Variants in GIGYF1 observed in about 807,000 individuals in gnomAD.
GIGYF1 encodes the protein GRB10 interacting GYF protein 1, also known as GRB10-interacting GYF protein 1.
A neutral mutation model predicts 147.1 loss-of-function variants in GIGYF1; 84 were observed. The ratio of observed to expected loss-of-function variants is 0.57; its 90% confidence interval spans 0.48 to 0.68. The LOEUF is 0.68. Among genes scored for constraint, GIGYF1 ranks in the 30% least tolerant of loss-of-function variants. The pLI, the probability that GIGYF1 is intolerant of heterozygous loss-of-function variation, is 0.00. For missense variants in GIGYF1, 1,485 were observed against 1,393.7 expected, an observed-to-expected ratio of 1.07 and a Z score of -1.04; for synonymous variants, 752 against 589.5, an observed-to-expected ratio of 1.28 and a Z score of -3.99.
chr7:100,686,323 C>T lies in GIGYF1; in HGVS notation c.805G>A (p.Gly269Arg). Reference protein sequence around the residue: ...GGCGEEEGRGGGGSSHLRRCR... With the variant: ...GGCGEEEGRGRGGSSHLRRCR... ...CGCCGCAGGTGAGAGCTGCCTCCCCCTCCCCGCCCCTCCTCTTCACCACAC... is the reference window on the plus strand; with the variant it reads ...CGCCGCAGGTGAGAGCTGCCTCCCCTTCCCCGCCCCTCCTCTTCACCACAC... The change falls in exon 11 of 27, where the codon GGG (glycine) becomes AGG (arginine). Residue 269 changes from glycine (G) to arginine (R), a missense_variant. Physicochemically the swap from Gly to Arg is moderately radical, Grantham distance 125. Transcript: ENST00000678049. 6.2e-7 allele frequency: 1 copy of T among 1,613,734 alleles called. No homozygotes were observed. The highest frequency in any genetic ancestry group is 8.5e-7 in the Non-Finnish European group (1 of 1,179,882).
At position 100,694,155 on chromosome 7, in the gene GIGYF1, G is replaced by A. The variant is rs1328121419; in HGVS notation, c.-1144C>T. On this transcript the variant is annotated 5_prime_UTR_variant, in exon 1 of 27. Coordinates refer to ENST00000678049, the MANE Select transcript of GIGYF1 (RefSeq NM_001375765.1). ...GGTCCCGGGGCGTGGGCGGCGCGCG[G>A]CGGGCGGGGGCCGGGGACGGCGACG... is the stretch of plus-strand genomic sequence containing the variant. 4.0e-4 allele frequency: 20 copies of A among 50,340 alleles called. No homozygotes were observed. The highest frequency in any genetic ancestry group is 2.5e-3 in the South Asian group (7 of 2,854). 3.1% of individuals were successfully genotyped at this position (50,340 alleles called of 1,614,324 possible). A position where few individuals can be genotyped will look rare whatever the true frequency, so the allele number is the denominator to read the frequency against.
rs975121376 is a variant in GIGYF1 at position 100,688,624 on chromosome 7, G to C, written c.-167C>G. ...CCTGGCCCGGGAAGAAGGAGGGCAG[G>C]GGCTGGTGCTGGAGTGAACGAGGGT... On this transcript the variant is annotated 5_prime_UTR_variant, in exon 2 of 27. Coordinates refer to ENST00000678049, the MANE Select transcript of GIGYF1 (RefSeq NM_001375765.1). The C allele has an allele frequency of 2.1e-6, 1 of 481,064 alleles. No homozygotes were observed. Among genetic ancestry groups the C allele is most frequent in the Non-Finnish European group, 4.1e-6 (1 of 245,988 alleles). 29.8% of individuals were successfully genotyped at this position (481,064 alleles called of 1,614,324 possible).
At chr7:100,688,358 AGCGCAGGGAGGAC>A in intron 3 of GIGYF1, 51 bp from the exon 4 acceptor site, 1 of 854,534 alleles carries the variant, frequency 1.2e-6, no homozygotes, top group Non-Finnish European at 1.9e-6. Flanking sequence ...AGAACTTTAA[AGCGCAGGGAGGAC>A]ACCATGGGGG....
chr7:100,681,439 T>G lies in GIGYF1; in HGVS notation c.*280A>C. On this transcript the variant is annotated 3_prime_UTR_variant, in exon 27 of 27. Coordinates refer to ENST00000678049, the MANE Select transcript of GIGYF1 (RefSeq NM_001375765.1). Reference sequence around the variant, plus strand: ...CCACTATCCTCACAGCAGGAAGGGGTGTTTAGAGTCTAGTTTTTAACAATA... The same window carrying G: ...CCACTATCCTCACAGCAGGAAGGGGGGTTTAGAGTCTAGTTTTTAACAATA... The G allele has an allele frequency of 3.8e-6, 1 of 264,044 alleles. No individual in the cohort carries two copies. The allele number at this position is 264,044 out of a possible 1,614,324, so 16.4% of individuals were successfully genotyped here. A position where few individuals can be genotyped will look rare whatever the true frequency, so the allele number is the denominator to read the frequency against.
chr7:100,683,275 C>A lies in GIGYF1; in HGVS notation c.2193+29G>T, dbSNP rs759808299. On this transcript the variant is annotated intron_variant, in intron 21 of 26. Coordinates refer to ENST00000678049, the MANE Select transcript of GIGYF1 (RefSeq NM_001375765.1). The stretch of plus-strand genomic sequence containing the variant: ...AGGGGACCTGGCGAGGGTTGTCCAC[C>A]CAGCCAGCTGAGGCTTGGGAGCACC... The A allele has an allele frequency of 4.3e-6, 7 of 1,613,620 alleles. No individual in the cohort carries two copies. The Admixed American group carries it at 8.3e-5, about 19-fold the overall frequency.
Position 100,686,295 on chromosome 7 carries a change from C to A in GIGYF1, c.833G>T (p.Cys278Phe). Residue 278 changes from cysteine (C) to phenylalanine (F), a missense_variant, in exon 11 of 27, where the codon TGC becomes TTC. Transcript: ENST00000678049. ...GGGGSSHLRR[C>F]RAPEGFEEDK... ...CTCCTCAAAGCCTTCAGGCGCTCGG[C>A]ACCGCCGCAGGTGAGAGCTGCCTCC... 1 of 1,614,060 alleles carries A rather than the reference C, an allele frequency of 6.2e-7. No homozygotes were observed. The highest frequency in any genetic ancestry group is 8.5e-7 in the Non-Finnish European group (1 of 1,180,002).
At chr7:100,683,766 C>G in intron 19 of GIGYF1, 52 bp downstream of exon 19, 1 of 1,568,544 alleles carries the variant, frequency 6.4e-7, no homozygotes, top group Non-Finnish European at 8.7e-7. Context: ...GACCCCAGAC[C>G]CCATTTCACC....
At chr7:100,687,267 G>C in intron 8 of GIGYF1, 31 bp downstream of exon 8, 1 of 1,588,810 alleles carries the variant, frequency 6.3e-7, no homozygotes, top group Non-Finnish European at 8.6e-7. Context: ...TGGCCTGCCC[G>C]GCTCTGCGCC....
chr7:100,691,344 C>T (rs370649463), intron 1 of GIGYF1, among the ~76,000 whole-genome samples: 1 of 152,170 alleles, frequency 6.6e-6, no homozygotes, highest in Non-Finnish European at 1.5e-5. Flanking sequence ...ATGGGCACAG[C>T]CCTTGGGGGT....
chr7:100,683,645 G>C lies in GIGYF1; in HGVS notation c.1970-13C>G, dbSNP rs756471572. ...CTGGCCTCACCACCTGCAGGGGGCA[G>C]GGGGGCAGAGGCGGCTGCAGGTGGG... On this transcript the variant is annotated splice_polypyrimidine_tract_variant and intron_variant, in intron 19 of 26. Transcript: ENST00000678049. 9.3e-6 allele frequency: 15 copies of C among 1,611,406 alleles called. No homozygotes were observed. The Admixed American group carries it at 2.0e-4, about 21-fold the overall frequency.
intron 17 of GIGYF1, 38 bp downstream of exon 17, chr7:100,684,199 G>T: frequency 6.2e-7 from 1 of 1,609,488 alleles, no homozygotes. Flanking sequence ...CAGAGCCAGC[G>T]CCGGGCCTTC....
In GIGYF1 at chr7:100,680,878, C is replaced by G. The variant is rs1196048632; in HGVS notation, c.*841G>C. The G allele has an allele frequency of 6.5e-6, 1 of 152,680 alleles. No individual in the cohort carries two copies. Among genetic ancestry groups the G allele is most frequent in the African/African-American group, 2.4e-5 (1 of 41,440 alleles). The allele number at this position is 152,680 out of a possible 1,614,324, so 9.5% of individuals were successfully genotyped here. On this transcript the variant is annotated 3_prime_UTR_variant, in exon 27 of 27. Coordinates refer to ENST00000678049, the MANE Select transcript of GIGYF1 (RefSeq NM_001375765.1). ...GGCAGAGAGCTGGGGCTTTCAGGTT[C>G]AAACCCAGGGTGTCCCCCAAAATGG...
At chr7:100,689,639 A>G (rs1207156374) in intron 1 of GIGYF1, 84 bp from the exon 2 acceptor site, 1 of 152,326 alleles carries the variant, frequency 6.6e-6, no homozygotes, top group Non-Finnish European at 1.5e-5. Context: ...GCCCATGACA[A>G]GCCGAGGCCT....
chr7:100,680,120 A>AG lies in GIGYF1; in HGVS notation c.*1598dup, dbSNP rs1169875411. ...AGGCAGGTGGGGGCCCCCCACCCCG[A>AG]GGCCAGCTTGATCCCCCAACACTGA... On this transcript the variant is annotated 3_prime_UTR_variant, in exon 27 of 27. Transcript: ENST00000678049. 7.2e-6 allele frequency: 1 copy of AG among 139,224 alleles called. No homozygotes were observed. Among genetic ancestry groups the AG allele is most frequent in the African/African-American group, 2.7e-5 (1 of 36,836 alleles). The allele number at this position is 139,224 out of a possible 1,614,324, so 8.6% of individuals were successfully genotyped here.
rs537109599 is a variant in GIGYF1, at chr7:100,686,677, G to T, written c.666C>A (p.Asp222Glu). 63 of 1,612,624 alleles carry T rather than the reference G, an allele frequency of 3.9e-5. No individual in the cohort carries two copies. Among genetic ancestry groups the T allele is most frequent in the Non-Finnish European group, 4.9e-5 (58 of 1,179,706 alleles). Reference sequence around the variant, plus strand: ...GGCTGGCGGAGCGCCAGCGGTCGCCGTCTCGCCGGGGCCCTGCTCCGAGCC... The same window carrying T: ...GGCTGGCGGAGCGCCAGCGGTCGCCTTCTCGCCGGGGCCCTGCTCCGAGCC... ...SWRLGAGPRR[D>E]GDRWRSASPD... The change falls in exon 10 of 27, where the codon GAC becomes GAA. Residue 222 changes from aspartate to glutamate, a missense_variant. Asp to Glu is a conservative substitution (Grantham distance 45). Coordinates refer to ENST00000678049, the MANE Select transcript of GIGYF1 (RefSeq NM_001375765.1).
chr7:100,679,540 G>A lies in GIGYF1; in HGVS notation c.*2179C>T, dbSNP rs1253892424. 1 of 153,038 alleles carries A rather than the reference G, an allele frequency of 6.5e-6. No homozygotes were observed. The highest frequency in any genetic ancestry group is 2.4e-5 in the African/African-American group (1 of 41,562). 9.5% of individuals were successfully genotyped at this position (153,038 alleles called of 1,614,324 possible). ...ACACACCAAGTTTTATTGGGAGAAGGGAGTATTTACAGGAGCAGGTAAAAG... is the reference window on the plus strand; with the variant it reads ...ACACACCAAGTTTTATTGGGAGAAGAGAGTATTTACAGGAGCAGGTAAAAG... On this transcript the variant is annotated 3_prime_UTR_variant, in exon 27 of 27. Transcript: ENST00000678049.
Position 100,686,236 on chromosome 7 carries a change from C to T in GIGYF1, c.892G>A (p.Asp298Asn), listed in dbSNP as rs1584500703. Residue 298 changes from aspartate (D) to asparagine (N), a missense_variant, in exon 11 of 27, where the codon GAT becomes AAT. Physicochemically the swap from Asp to Asn is conservative, Grantham distance 23. Coordinates refer to ENST00000678049, the MANE Select transcript of GIGYF1 (RefSeq NM_001375765.1). ...AAGGTGCCCATTTCTTCATCCTCAT[C>T]GTCCAGGCACCACTCTGGGAGCCCA... is the stretch of plus-strand genomic sequence containing the variant. ...KDGLPEWCLD[D>N]EDEEMGTFDA... 5 of 1,613,956 alleles carry T rather than the reference C, an allele frequency of 3.1e-6. No homozygotes were observed. The highest frequency in any genetic ancestry group is 3.4e-6 in the Non-Finnish European group (4 of 1,179,944).
rs1804590256 is a variant in GIGYF1 at position 100,680,164 on chromosome 7, G to GGAAAA, written c.*1554_*1555insTTTTC. Reference sequence around the variant, plus strand: ...ACACTGACCTAGTTGCCACTTTGGTGCAAAAAAAAAAAAAAAAAAAAAAAA... The same window carrying GGAAAA: ...ACACTGACCTAGTTGCCACTTTGGTGGAAAACAAAAAAAAAAAAAAAAAAAAAAAA... On this transcript the variant is annotated 3_prime_UTR_variant, in exon 27 of 27. Coordinates refer to ENST00000678049, the MANE Select transcript of GIGYF1 (RefSeq NM_001375765.1). 1 of 38,782 alleles carries GGAAAA rather than the reference G, an allele frequency of 2.6e-5. No individual in the cohort carries two copies. The highest frequency in any genetic ancestry group is 4.7e-5 in the Non-Finnish European group (1 of 21,342). 2.4% of individuals were successfully genotyped at this position (38,782 alleles called of 1,614,324 possible). A position where few individuals can be genotyped will look rare whatever the true frequency, so the allele number is the denominator to read the frequency against.
chr7:100,686,365 G>A lies in GIGYF1; in HGVS notation c.763C>T (p.Arg255Ter), dbSNP rs1466312293. 2 of 1,606,238 alleles carry A rather than the reference G, an allele frequency of 1.2e-6. No homozygotes were observed. Among genetic ancestry groups the A allele is most frequent in the Non-Finnish European group, 1.7e-6 (2 of 1,177,448 alleles). Residue 255 changes from arginine to a stop codon, truncating the protein, a stop_gained, in exon 11 of 27, where the codon CGA becomes TGA. Coordinates refer to ENST00000678049, the MANE Select transcript of GIGYF1 (RefSeq NM_001375765.1). LOFTEE classifies it high-confidence loss of function. The stretch of plus-strand genomic sequence containing the variant: ...TCACCACACCCTCCTCGATCCCCTC[G>A]CAAATCAAATTCAAACTTGCGCCGC... ...ERRRKFEFDLRGDRGGCGEEE... is the reference protein window; with the variant it reads ...ERRRKFEFDL
Sources: gnomAD v4.1 joint callset for allele counts (sites outside exome capture counted in the v4.1 genomes callset) on GRCh38, gnomAD v4.1.1 for gene constraint, MANE v1.5 for transcripts, NCBI Gene and HGNC (gene_info 2026-07-23, HGNC 2026-07-21) for gene names.